Variants in LINGO2 observed in about 807,000 individuals in gnomAD.
LINGO2 encodes the protein leucine-rich repeat and immunoglobulin-like domain-containing nogo receptor-interacting protein 2.
LINGO2 carries 14 observed loss-of-function variants against 30.6 expected under a neutral mutation model. The observed-to-expected ratio is 0.46, with a 90% CI of 0.30 to 0.72. LINGO2 has a LOEUF of 0.72. Among genes scored for constraint, LINGO2 ranks in the 30% least tolerant of loss-of-function variants. LINGO2 has a pLI of 0.07. For synonymous variants in LINGO2, 317 were observed against 288.5 expected (o/e 1.10, Z -1.00); for missense variants, 729 against 751.7 (o/e 0.97, Z 0.35).
the LINGO2 span, among the ~76,000 whole-genome samples, chr9:29,001,010 T>C: frequency 2.0e-5 from 3 of 151,918 alleles, no homozygotes; most frequent in Admixed American, 1.3e-4. Flanking sequence ...GAGCAGATCA[T>C]ACACACAAAG....
the LINGO2 span, among the ~76,000 whole-genome samples, chr9:29,056,565 T>C: frequency 6.6e-6 from 1 of 152,234 alleles, no homozygotes; most frequent in African/African-American, 2.4e-5. Context: ...TGCTGATTAT[T>C]TCTTTTGCTC....
chr9:28,086,354 T>C (rs1825914379), intron 4 of LINGO2, among the ~76,000 whole-genome samples: 1 of 152,102 alleles, frequency 6.6e-6, no homozygotes, highest in Non-Finnish European at 1.5e-5. Flanking sequence ...CTATATTTCA[T>C]TGTTCTCCAT....
chr9:28,439,285 G>A (rs1309849704), intron 2 of LINGO2, among the ~76,000 whole-genome samples: 1 of 151,660 alleles, frequency 6.6e-6, no homozygotes, highest in Non-Finnish European at 1.5e-5. Flanking sequence ...GTGTGTGTGT[G>A]TGTGTTTCAT....
At chr9:27,996,182 G>C (rs1021705573) in intron 5 of LINGO2, among the ~76,000 whole-genome samples, 5 of 152,076 alleles carry the variant, frequency 3.3e-5, no homozygotes, top group Admixed American at 2.6e-4. Flanking sequence ...CTTGTATTTT[G>C]TTGGTGGAAA....
At chr9:28,519,491 A>G (rs1164915412) in intron 1 of LINGO2, among the ~76,000 whole-genome samples, 1 of 152,224 alleles carries the variant, frequency 6.6e-6, no homozygotes, top group African/African-American at 2.4e-5. Flanking sequence ...ATGTTAAAGC[A>G]TATATAGAAC....
the LINGO2 span, among the ~76,000 whole-genome samples, chr9:29,033,259 G>C: frequency 6.6e-6 from 1 of 151,836 alleles, no homozygotes; most frequent in African/African-American, 2.4e-5. Context: ...TTTCTTGATG[G>C]AGTACTGAAG....
At chr9:27,945,369 G>GA (rs1356331284), downstream of LINGO2, among the ~76,000 whole-genome samples, 1 of 152,092 alleles carries the variant, frequency 6.6e-6, no homozygotes, top group East Asian at 1.9e-4. Flanking sequence ...ACTCCTGTAA[G>GA]AACTGAGGAA....
chr9:28,566,974 T>A lies in LINGO2; in HGVS notation c.-364-90949A>T, dbSNP rs532624701. Among the ~76,000 whole-genome samples, 3 of 152,326 alleles carry A rather than the reference T, an allele frequency of 2.0e-5. No individual in the cohort carries two copies. The South Asian group carries it at 6.2e-4, about 32-fold the overall frequency. ...GATATGATATTATTTTTAGCCTTCATCTTCAGCTTTAAGTAATGTTCAGTA... is the reference window on the plus strand; with the variant it reads ...GATATGATATTATTTTTAGCCTTCAACTTCAGCTTTAAGTAATGTTCAGTA... On this transcript the variant is annotated intron_variant, in intron 1 of 5. Transcript: ENST00000379992.
intron 5 of LINGO2, among the ~76,000 whole-genome samples, chr9:27,965,151 A>G (rs1820036789): frequency 6.6e-6 from 1 of 152,178 alleles, no homozygotes; most frequent in East Asian, 1.9e-4. Flanking sequence ...CTGTTGAAGC[A>G]ATTTTCTCCT....
At chr9:28,768,748 G>A in the LINGO2 span, among the ~76,000 whole-genome samples, 39 of 151,732 alleles carry the variant, frequency 2.6e-4, no homozygotes, top group African/African-American at 9.2e-4. Context: ...ACTGAATATA[G>A]TACTTCATGG....
chr9:28,124,041 A>T (rs1398801265), intron 4 of LINGO2, among the ~76,000 whole-genome samples: 1 of 152,192 alleles, frequency 6.6e-6, no homozygotes, highest in East Asian at 1.9e-4. Context: ...ATTTTTGATA[A>T]TAGAAAACAC....
chr9:28,035,048 A>AAC (rs1232419436), intron 4 of LINGO2, among the ~76,000 whole-genome samples: 5 of 152,236 alleles, frequency 3.3e-5, no homozygotes, highest in African/African-American at 1.2e-4. Context: ...GCAACTCCTT[A>AAC]ACTGATGTGC....
chr9:28,294,885 C>T (rs1823868018), intron 4 of LINGO2, among the ~76,000 whole-genome samples: 1 of 152,122 alleles, frequency 6.6e-6, no homozygotes, highest in South Asian at 2.1e-4. Flanking sequence ...TTCTCTAATG[C>T]ACCTTCAAAA....
intron 1 of LINGO2, among the ~76,000 whole-genome samples, chr9:28,577,480 C>A (rs1205758970): frequency 6.6e-6 from 1 of 152,084 alleles, no homozygotes; most frequent in Non-Finnish European, 1.5e-5. Context: ...CATTCCCTAA[C>A]CCACTGTCCA....
At chr9:28,532,842 T>C (rs1413802248) in intron 1 of LINGO2, among the ~76,000 whole-genome samples, 1 of 152,048 alleles carries the variant, frequency 6.6e-6, no homozygotes, top group Non-Finnish European at 1.5e-5. Context: ...GGTTTTCTTT[T>C]CTATTATACA....
At chr9:28,470,966 A>G (rs1295317664) in intron 2 of LINGO2, among the ~76,000 whole-genome samples, 3 of 148,376 alleles carry the variant, frequency 2.0e-5, no homozygotes, top group African/African-American at 7.3e-5. Flanking sequence ...TTCTTTATAT[A>G]TGTTATATAT....
chr9:28,552,812 G>C (rs1320736911), intron 1 of LINGO2, among the ~76,000 whole-genome samples: 1 of 145,802 alleles, frequency 6.9e-6, no homozygotes, highest in African/African-American at 2.5e-5. Flanking sequence ...TTTCATTCTG[G>C]AACAGCTTTT....
At chr9:28,968,308 C>T in the LINGO2 span, among the ~76,000 whole-genome samples, 1 of 152,094 alleles carries the variant, frequency 6.6e-6, no homozygotes, top group Non-Finnish European at 1.5e-5. Context: ...GGCTATATCT[C>T]CTTTTACTTT....
At chr9:28,419,866 T>G (rs970122443) in intron 2 of LINGO2, among the ~76,000 whole-genome samples, 1 of 152,040 alleles carries the variant, frequency 6.6e-6, no homozygotes, top group African/African-American at 2.4e-5. Flanking sequence ...AGAAATGGAT[T>G]ATAAAAAGTA....
Sources: gnomAD v4.1 joint callset for allele counts (sites outside exome capture counted in the v4.1 genomes callset) on GRCh38, gnomAD v4.1.1 for gene constraint, MANE v1.5 for transcripts, NCBI Gene and HGNC (gene_info 2026-07-23, HGNC 2026-07-21) for gene names.